The following NAA25 variants were observed in gnomAD, a reference collection of about 807,000 sequenced individuals.
NAA25 encodes the protein N-alpha-acetyltransferase 25, NatB auxiliary subunit, also known as N-terminal acetyltransferase B complex subunit NAA25.
In NAA25, 30 loss-of-function variants were observed where a neutral mutation model predicts 132.5. The observed-to-expected ratio is 0.23, with a 90% CI of 0.17 to 0.31. The LOEUF (loss-of-function observed/expected upper bound fraction) is 0.31. NAA25 is among the 10% of genes least tolerant of loss of function. NAA25 has a pLI of 1.00. For missense variants in NAA25, 771 were observed against 1,150.4 expected (o/e 0.67, Z 4.77); for synonymous variants, 359 against 401.9 (o/e 0.89, Z 1.28).
Position 112,049,023 on chromosome 12 carries a change from C to T in NAA25, c.1729-580G>A, listed in dbSNP as rs1474293123. Among the ~76,000 whole-genome samples the T allele has an allele frequency of 6.6e-6, 1 of 152,180 alleles. No homozygotes were observed. Among genetic ancestry groups the T allele is most frequent in the Non-Finnish European group, 1.5e-5 (1 of 68,036 alleles). On this transcript the variant is annotated intron_variant, in intron 15 of 23. Coordinates refer to ENST00000261745, the MANE Select transcript of NAA25 (RefSeq NM_024953.4). The surrounding 1 kb of genome is among the most constrained non-coding windows in gnomAD (Gnocchi z 4.7). Reference sequence around the variant, plus strand: ...ACCAAACAAAAGACCTATCAAAATTCATGTCATAATCTATTCTGAGGACAA... The same window carrying T: ...ACCAAACAAAAGACCTATCAAAATTTATGTCATAATCTATTCTGAGGACAA...
At chr12:112,086,600 C>T (rs1447039835) in intron 4 of NAA25, among the ~76,000 whole-genome samples, 4 of 152,078 alleles carry the variant, frequency 2.6e-5, no homozygotes, top group Admixed American at 6.6e-5. Context: ...TAGTATCTGC[C>T]ACCCTGCCCA....
intron 1 of NAA25, among the ~76,000 whole-genome samples, chr12:112,096,830 C>T (rs1181185823): frequency 6.6e-6 from 1 of 152,158 alleles, no homozygotes; most frequent in Non-Finnish European, 1.5e-5. Flanking sequence ...ACTCAGTGGT[C>T]CTGCAAGGTT....
chr12:112,059,075 C>CAAAAAAAAAAAAA (rs530305102), intron 13 of NAA25, among the ~76,000 whole-genome samples: 1 of 63,282 alleles, frequency 1.6e-5, no homozygotes, highest in Admixed American at 2.0e-4. Context: ...CTCCATCTCA[C>CAAAAAAAAAAAAA]AAAAAAAAAA....
chr12:112,075,025 A>G (rs1289553781), intron 8 of NAA25, among the ~76,000 whole-genome samples: 2 of 152,140 alleles, frequency 1.3e-5, no homozygotes, highest in Non-Finnish European at 2.9e-5. Flanking sequence ...CATAACAGAA[A>G]AGTCCCCACA....
Position 112,078,499 on chromosome 12 carries a change from T to A in NAA25, c.585+135A>T, listed in dbSNP as rs1392535747. The A allele has an allele frequency of 5.0e-6, 4 of 807,080 alleles. No individual in the cohort carries two copies. In the Admixed American group the frequency reaches 1.0e-4, roughly 21 times the overall value. The allele number at this position is 807,080 out of a possible 1,614,324, so 50.0% of individuals were successfully genotyped here. A position where few individuals can be genotyped will look rare whatever the true frequency, so the allele number is the denominator to read the frequency against. ...AGTGATTAGACCTACGCTGAGGGCT[T>A]CAGATTTACCCAAAGGCCAAAAGTG... On this transcript the variant is annotated intron_variant, in intron 6 of 23. Coordinates refer to ENST00000261745, the MANE Select transcript of NAA25 (RefSeq NM_024953.4).
chr12:112,086,058 A>ATG (rs2079046737), intron 4 of NAA25, among the ~76,000 whole-genome samples: 1 of 82,942 alleles, frequency 1.2e-5, no homozygotes, highest in Non-Finnish European at 2.0e-5. Context: ...AAAAATATAT[A>ATG]TATATATATA....
intron 9 of NAA25, among the ~76,000 whole-genome samples, chr12:112,073,108 C>A (rs2078839184): frequency 6.6e-6 from 1 of 151,922 alleles, no homozygotes; most frequent in South Asian, 2.1e-4. Context: ...GTGGCTCATG[C>A]CTGTAGTCCC....
At chr12:112,070,590 G>A (rs1469272239) in intron 10 of NAA25, among the ~76,000 whole-genome samples, 2 of 151,246 alleles carry the variant, frequency 1.3e-5, no homozygotes, top group Admixed American at 1.3e-4. Context: ...TTGTTGTTTT[G>A]CGACAGAGTC....
At chr12:112,091,326 C>T (rs2079127028) in intron 2 of NAA25, among the ~76,000 whole-genome samples, 2 of 151,624 alleles carry the variant, frequency 1.3e-5, no homozygotes, top group South Asian at 4.2e-4. Flanking sequence ...GCAGGAGGAT[C>T]ACTTGAGCCC....
intron 8 of NAA25, 55 bp from the exon 9 acceptor site, chr12:112,074,819 T>A: frequency 8.5e-7 from 1 of 1,179,784 alleles, no homozygotes; most frequent in Non-Finnish European, 1.2e-6. Context: ...TGACAGATCT[T>A]CCTTAGGAAC....
intron 11 of NAA25, among the ~76,000 whole-genome samples, chr12:112,065,172 C>A (rs1278708112): frequency 3.3e-5 from 5 of 151,970 alleles, no homozygotes. Context: ...ACCAGCCTGG[C>A]CAACATGGTG....
At chr12:112,075,929 C>A in intron 7 of NAA25, 140 bp from the exon 8 acceptor site, 1 of 625,136 alleles carries the variant, frequency 1.6e-6, no homozygotes, top group Non-Finnish European at 2.7e-6. Flanking sequence ...GTCACCCAGG[C>A]TGGAGTGCAA....
chr12:112,053,721 CAAAT>C, intron 14 of NAA25, 64 bp from the exon 15 acceptor site: 8 of 1,020,250 alleles, frequency 7.8e-6, no homozygotes, highest in Non-Finnish European at 9.8e-6. Flanking sequence ...GCTCAAGTAA[CAAAT>C]ATTACGCTTC....
intron 4 of NAA25, among the ~76,000 whole-genome samples, chr12:112,086,051 AATATATATAT>A (rs1555238696): frequency 2.7e-5 from 1 of 37,380 alleles, no homozygotes; most frequent in Non-Finnish European, 3.9e-5. Flanking sequence ...AAAAAAAAAA[AATATATATAT>A]ATATATATAT....
chr12:112,060,697 C>T (rs919443145), intron 12 of NAA25, among the ~76,000 whole-genome samples: 2 of 152,198 alleles, frequency 1.3e-5, no homozygotes, highest in African/African-American at 4.8e-5. Context: ...ATGCTCCTGA[C>T]TTCATCTAAT....
intron 11 of NAA25, among the ~76,000 whole-genome samples, chr12:112,062,414 A>AC (rs1217887624): frequency 3.3e-5 from 5 of 150,544 alleles, no homozygotes; most frequent in African/African-American, 1.2e-4. Context: ...AAAAAAAAAA[A>AC]AAAGTTATAA....
chr12:112,039,031 A>T (rs961422616), intron 22 of NAA25, among the ~76,000 whole-genome samples, 198 bp downstream of exon 22: 1 of 151,720 alleles, frequency 6.6e-6, no homozygotes, highest in Non-Finnish European at 1.5e-5. Context: ...GATGAGCTTT[A>T]AAAAAAAACT....
chr12:112,076,627 C>T (rs998107054), intron 7 of NAA25, among the ~76,000 whole-genome samples: 2 of 151,702 alleles, frequency 1.3e-5, no homozygotes, highest in Non-Finnish European at 2.9e-5. Flanking sequence ...ATTAAGGATA[C>T]CAAAAATTAC....
intron 22 of NAA25, among the ~76,000 whole-genome samples, chr12:112,036,630 C>T (rs555325238): frequency 6.6e-6 from 1 of 152,162 alleles, no homozygotes; most frequent in South Asian, 2.1e-4. Flanking sequence ...AGGTGGATCA[C>T]CTGAGGTCAG....
Sources: gnomAD v4.1 joint callset for allele counts (sites outside exome capture counted in the v4.1 genomes callset) on GRCh38, gnomAD v4.1.1 for gene constraint, Gnocchi (gnomAD v3.1) non-coding constraint, MANE v1.5 for transcripts, NCBI Gene and HGNC (gene_info 2026-07-23, HGNC 2026-07-21) for gene names.